The following ATRNL1 variants were observed in gnomAD, a reference collection of about 807,000 sequenced individuals.
ATRNL1 encodes the protein attractin like 1, also known as attractin-like protein 1.
Under a neutral mutation model 182.7 loss-of-function variants are expected in ATRNL1, and 95 were observed. The ratio of observed to expected loss-of-function variants is 0.52; its 90% CI spans 0.44 to 0.62. The LOEUF (loss-of-function observed/expected upper bound fraction) is 0.62, where lower values mean the gene tolerates loss of function less well. ATRNL1 is among the 20% of genes least tolerant of loss of function. The pLI is 0.00. For synonymous variants in ATRNL1, 576 were observed against 568.3 expected (o/e 1.01, Z -0.19); for missense variants, 1,471 against 1,679.5 (o/e 0.88, Z 2.17).
chr10:115,135,075 TATC>T lies in ATRNL1; in HGVS notation c.829+5543_829+5545del, dbSNP rs1554876286. ...GTATTTATGACAAACCCACAGCCAA[TATC>T]ATACCGAATGGGCAAAAACTGGAAG... On this transcript the variant is annotated intron_variant, in intron 5 of 28. Coordinates refer to ENST00000355044, the MANE Select transcript of ATRNL1 (RefSeq NM_207303.4). Among the ~76,000 whole-genome samples the T allele has an allele frequency of 2.6e-5, 4 of 152,066 alleles. No individual in the cohort carries two copies. In the South Asian group the frequency reaches 8.3e-4, roughly 32 times the overall value.
intron 1 of ATRNL1, among the ~76,000 whole-genome samples, chr10:115,118,682 G>A (rs1283868567): frequency 6.6e-6 from 1 of 152,072 alleles, no homozygotes; most frequent in Non-Finnish European, 1.5e-5. Flanking sequence ...TCCCCTTGAG[G>A]CTACTAAATG....
intron 24 of ATRNL1, among the ~76,000 whole-genome samples, chr10:115,510,432 C>G (rs889950715): frequency 6.6e-6 from 1 of 152,004 alleles, no homozygotes. Flanking sequence ...GGAACCATTA[C>G]CCTGATCAGG....
At chr10:115,208,550 C>T (rs1848893044) in intron 8 of ATRNL1, among the ~76,000 whole-genome samples, 1 of 152,050 alleles carries the variant, frequency 6.6e-6, no homozygotes, top group Non-Finnish European at 1.5e-5. Flanking sequence ...TCCAGAGCAA[C>T]TTTCAGTTTA....
Position 115,749,997 on chromosome 10 carries a change from A to G in ATRNL1, c.3903+22642A>G, listed in dbSNP as rs539792836. ...GTTGGAAAACTCAACATTTGTATCT[A>G]AACATAATGTATTCCAGCAGAGAAT... On this transcript the variant is annotated intron_variant, in intron 27 of 28. Transcript: ENST00000355044. Among the ~76,000 whole-genome samples the G allele has an allele frequency of 6.8e-3, 1,037 of 151,866 alleles. 14 individuals are homozygous for G. The highest frequency in any genetic ancestry group is 0.024 in the African/African-American group (979 of 41,480).
At chr10:115,496,572 G>A (rs1177978123) in intron 24 of ATRNL1, among the ~76,000 whole-genome samples, 1 of 152,098 alleles carries the variant, frequency 6.6e-6, no homozygotes, top group African/African-American at 2.4e-5. Flanking sequence ...TTTACTTTGA[G>A]CCTATTGGTG....
intron 24 of ATRNL1, among the ~76,000 whole-genome samples, chr10:115,471,426 T>C (rs1344981847): frequency 6.6e-6 from 1 of 150,904 alleles, no homozygotes; most frequent in Non-Finnish European, 1.5e-5. Flanking sequence ...TTCATACGGC[T>C]TTACATGATG....
chr10:115,714,474 T>C lies in ATRNL1; in HGVS notation c.3796-12774T>C, dbSNP rs184092056. Among the ~76,000 whole-genome samples, 57 of 152,304 alleles carry C rather than the reference T, an allele frequency of 3.7e-4. No homozygotes were observed. The East Asian group carries it at 7.0e-3, about 19-fold the overall frequency. ...ACGAACTTTCTGAGGCTCCACCCAG[T>C]GTGCATTCCTCCCATTGCACAGGCC... On this transcript the variant is annotated intron_variant, in intron 26 of 28. Coordinates refer to ENST00000355044, the MANE Select transcript of ATRNL1 (RefSeq NM_207303.4).
chr10:115,644,449 A>T (rs947944239), intron 26 of ATRNL1, among the ~76,000 whole-genome samples: 2 of 152,164 alleles, frequency 1.3e-5, no homozygotes, highest in African/African-American at 4.8e-5. Flanking sequence ...GAAGAGGAGA[A>T]TGAGTCTCAA....
At chr10:115,789,189 A>G (rs1017765085) in intron 27 of ATRNL1, among the ~76,000 whole-genome samples, 3 of 152,216 alleles carry the variant, frequency 2.0e-5, no homozygotes, top group African/African-American at 4.8e-5. Flanking sequence ...TTTATGCCCA[A>G]TTAAGCCTCT....
chr10:115,209,448 T>C (rs568464011), intron 8 of ATRNL1, among the ~76,000 whole-genome samples: 1 of 149,576 alleles, frequency 6.7e-6, no homozygotes, highest in South Asian at 2.1e-4. Context: ...GGTTTCTGAG[T>C]TGTTTGTGGC....
At chr10:115,633,427 A>G (rs1056960485) in intron 26 of ATRNL1, among the ~76,000 whole-genome samples, 1 of 152,180 alleles carries the variant, frequency 6.6e-6, no homozygotes, top group Non-Finnish European at 1.5e-5. Context: ...AATTTGGTCT[A>G]TAGATTTACA....
At chr10:115,369,348 G>T (rs1362158488) in intron 19 of ATRNL1, among the ~76,000 whole-genome samples, 1 of 151,744 alleles carries the variant, frequency 6.6e-6, no homozygotes, top group African/African-American at 2.4e-5. Context: ...TCTGTGAAGG[G>T]GATAGGATTC....
intron 5 of ATRNL1, among the ~76,000 whole-genome samples, chr10:115,154,260 A>G (rs1219771072): frequency 6.9e-6 from 1 of 145,788 alleles, no homozygotes; most frequent in Non-Finnish European, 1.6e-5. Context: ...ATTCCTGGAT[A>G]TCGTTGTTAA....
intron 25 of ATRNL1, among the ~76,000 whole-genome samples, chr10:115,531,151 G>A (rs1210306103): frequency 3.3e-5 from 5 of 151,894 alleles, no homozygotes; most frequent in Admixed American, 3.3e-4. Flanking sequence ...CCAGTAATGG[G>A]ATGGCTGGGT....
chr10:115,488,518 T>C lies in ATRNL1; in HGVS notation c.3654+19189T>C, dbSNP rs544557290. On this transcript the variant is annotated intron_variant, in intron 24 of 28. Transcript: ENST00000355044. ...TCTAGTTTATTTGCATAGAAGTGTT[T>C]ATAGTATTTTCTGATGGAAGTTTGT... 2.9e-4 allele frequency among the ~76,000 whole-genome samples: 44 copies of C among 152,312 alleles called. 1 individual carries two copies. The South Asian group carries it at 8.7e-3, about 30-fold the overall frequency.
At chr10:115,257,344 A>G (rs551299100) in intron 10 of ATRNL1, among the ~76,000 whole-genome samples, 1 of 152,248 alleles carries the variant, frequency 6.6e-6, no homozygotes, top group South Asian at 2.1e-4. Flanking sequence ...TATCATAGTT[A>G]GCTCTTCTTG....
At chr10:115,503,733 C>G (rs1554980586) in intron 24 of ATRNL1, among the ~76,000 whole-genome samples, 1 of 149,892 alleles carries the variant, frequency 6.7e-6, no homozygotes, top group Non-Finnish European at 1.5e-5. Context: ...GTGACTTACC[C>G]AGACTGTTCA....
chr10:115,712,751 C>T (rs1297427160), intron 26 of ATRNL1, among the ~76,000 whole-genome samples: 1 of 151,864 alleles, frequency 6.6e-6, no homozygotes, highest in African/African-American at 2.4e-5. Context: ...GCCTGTAATC[C>T]CAGCTACTCA....
At chr10:115,335,770 T>C (rs1554936490) in intron 19 of ATRNL1, among the ~76,000 whole-genome samples, 1 of 152,190 alleles carries the variant, frequency 6.6e-6, no homozygotes, top group African/African-American at 2.4e-5. Flanking sequence ...ATATTTCACT[T>C]CATTCACATG....
Sources: gnomAD v4.1 joint callset for allele counts (sites outside exome capture counted in the v4.1 genomes callset) on GRCh38, gnomAD v4.1.1 for gene constraint, MANE v1.5 for transcripts, NCBI Gene and HGNC (gene_info 2026-07-23, HGNC 2026-07-21) for gene names.